Variants in GHR observed in about 807,000 individuals in gnomAD.
The protein encoded by GHR is growth hormone receptor.
GHR carries 35 observed loss-of-function variants against 67.1 expected under a neutral mutation model. That is an observed-to-expected ratio of 0.52 (90% CI 0.40 to 0.69). The LOEUF (loss-of-function observed/expected upper bound fraction) is 0.69, where lower values mean the gene tolerates loss of function less well. GHR is among the 30% of genes least tolerant of loss of function. The pLI is 0.00. For missense variants in GHR, 792 were observed against 764.6 expected (o/e 1.04, Z -0.42); for synonymous variants, 272 against 269.1 (o/e 1.01, Z -0.10).
chr5:42,547,785 C>G (rs1194300421), intron 1 of GHR, among the ~76,000 whole-genome samples: 1 of 152,074 alleles, frequency 6.6e-6, no homozygotes, highest in Non-Finnish European at 1.5e-5. Flanking sequence ...TCCAATGAAA[C>G]TAAGTATGCT....
chr5:42,641,767 C>T (rs1185876501), intron 3 of GHR, among the ~76,000 whole-genome samples: 2 of 152,116 alleles, frequency 1.3e-5, no homozygotes, highest in African/African-American at 4.8e-5. Context: ...CTTGGTTAAT[C>T]CATGAGTAAA....
chr5:42,623,930 C>T (rs1181382780), intron 2 of GHR, among the ~76,000 whole-genome samples: 1 of 152,132 alleles, frequency 6.6e-6, no homozygotes, highest in Non-Finnish European at 1.5e-5. Flanking sequence ...CTGCTCAGCA[C>T]CTCTAGACAT....
At chr5:42,565,659 G>A in intron 1 of GHR, 1 of 985,278 alleles carries the variant, frequency 1.0e-6, no homozygotes, top group Non-Finnish European at 1.2e-6. Context: ...AGCACTCACG[G>A]GAAGTAGAAT....
intron 3 of GHR, among the ~76,000 whole-genome samples, chr5:42,671,439 G>A (rs903123983): frequency 1.3e-5 from 2 of 151,524 alleles, no homozygotes; most frequent in Non-Finnish European, 2.9e-5. Context: ...CCAACATTGG[G>A]CATTATATGT....
intron 3 of GHR, among the ~76,000 whole-genome samples, chr5:42,667,290 T>C (rs1364870453): frequency 6.6e-6 from 1 of 152,170 alleles, no homozygotes; most frequent in Non-Finnish European, 1.5e-5. Context: ...ACAGACACAG[T>C]CAACATCCTC....
rs117977531 is a variant in GHR at position 42,568,147 on chromosome 5, G to A, written c.70+2203G>A. 3.6e-4 allele frequency among the ~76,000 whole-genome samples: 55 copies of A among 152,262 alleles called. 1 individual carries two copies. In the East Asian group the frequency reaches 9.8e-3, roughly 27 times the overall value. On this transcript the variant is annotated intron_variant, in intron 2 of 9. Coordinates refer to ENST00000230882, the MANE Select transcript of GHR (RefSeq NM_000163.5). The stretch of plus-strand genomic sequence containing the variant: ...GGTAGAAGATGACAGACCTGTATGC[G>A]TAGGGAAGGGTAGCACTTGAGCAGG...
At chr5:42,679,136 T>C (rs1398967342) in intron 3 of GHR, among the ~76,000 whole-genome samples, 1 of 140,132 alleles carries the variant, frequency 7.1e-6, no homozygotes, top group African/African-American at 2.5e-5. Context: ...TATTAATTAA[T>C]ATATTATATA....
At chr5:42,691,755 C>T (rs1378889842) in intron 4 of GHR, among the ~76,000 whole-genome samples, 1 of 152,198 alleles carries the variant, frequency 6.6e-6, no homozygotes, top group East Asian at 1.9e-4. Context: ...CCTGGCTCTG[C>T]TCCTTGCCAG....
chr5:42,589,475 CT>C (rs1453352387), intron 2 of GHR, among the ~76,000 whole-genome samples: 3 of 152,232 alleles, frequency 2.0e-5, no homozygotes, highest in Admixed American at 6.5e-5. Flanking sequence ...GTGGAATAAT[CT>C]TTTTTGTTGT....
At chr5:42,565,827 A>T in intron 1 of GHR, 37 bp from the exon 2 acceptor site, 1 of 1,613,888 alleles carries the variant, frequency 6.2e-7, no homozygotes, top group Non-Finnish European at 8.5e-7. Context: ...TCTGCTTTTA[A>T]TTGCTGGGCT....
chr5:42,688,087 T>C (rs1757245359), intron 3 of GHR, among the ~76,000 whole-genome samples: 1 of 152,226 alleles, frequency 6.6e-6, no homozygotes, highest in Admixed American at 6.5e-5. Context: ...GGGCATCTAT[T>C]TAATGAGTTT....
intron 3 of GHR, 33 bp from the exon 4 acceptor site, chr5:42,688,857 T>C: frequency 6.2e-7 from 1 of 1,609,396 alleles, no homozygotes; most frequent in Non-Finnish European, 8.5e-7. Context: ...ACTCACCTGA[T>C]TTCATGCCTT....
chr5:42,546,778 G>C (rs188106543), intron 1 of GHR, among the ~76,000 whole-genome samples: 1 of 152,250 alleles, frequency 6.6e-6, no homozygotes, highest in African/African-American at 2.4e-5. Flanking sequence ...GAGAGAATTT[G>C]TCTGAGTGTT....
chr5:42,583,089 A>G (rs534775042), intron 2 of GHR, among the ~76,000 whole-genome samples: 1 of 152,372 alleles, frequency 6.6e-6, no homozygotes, highest in East Asian at 1.9e-4. Flanking sequence ...ACCAGCCACA[A>G]AAAGGAAACA....
At chr5:42,452,767 T>A (rs1006451615) in intron 1 of GHR, among the ~76,000 whole-genome samples, 23 of 152,162 alleles carry the variant, frequency 1.5e-4, no homozygotes, top group Non-Finnish European at 2.9e-5. Context: ...TTATGATATC[T>A]ATTTCTCTGG....
In GHR at chr5:42,588,244, G is replaced by A. The variant is rs1751587505; in HGVS notation, c.70+22300G>A. Among the ~76,000 whole-genome samples, 4 of 152,050 alleles carry A rather than the reference G, an allele frequency of 2.6e-5. No individual in the cohort carries two copies. In the South Asian group the frequency reaches 8.3e-4, roughly 32 times the overall value. On this transcript the variant is annotated intron_variant, in intron 2 of 9. Coordinates refer to ENST00000230882, the MANE Select transcript of GHR (RefSeq NM_000163.5). ...AGAAGTAACCTATACTTTTGGCTGG[G>A]AGCTGTGGTTCATGCCTGTAATCCC...
rs567053940 is a variant in GHR, at chr5:42,632,052, A to G, written c.136+2949A>G. Among the ~76,000 whole-genome samples, 14 of 151,926 alleles carry G rather than the reference A, an allele frequency of 9.2e-5. No individual in the cohort carries two copies. The East Asian group carries it at 2.5e-3, about 27-fold the overall frequency. On this transcript the variant is annotated intron_variant, in intron 3 of 9. Transcript: ENST00000230882. Reference sequence around the variant, plus strand: ...GCCCCATCTCTCCTTCCTTGCATCTATCTTCCCCTGCCAACAATAATTTTC... The same window carrying G: ...GCCCCATCTCTCCTTCCTTGCATCTGTCTTCCCCTGCCAACAATAATTTTC...
chr5:42,675,699 G>C (rs1310651439), intron 3 of GHR, among the ~76,000 whole-genome samples: 4 of 152,158 alleles, frequency 2.6e-5, no homozygotes, highest in African/African-American at 9.6e-5. Context: ...AAGAAAGTTT[G>C]GTGAAGGTTT....
intron 1 of GHR, among the ~76,000 whole-genome samples, chr5:42,508,223 G>A (rs763604142): frequency 6.6e-6 from 1 of 152,156 alleles, no homozygotes; most frequent in Non-Finnish European, 1.5e-5. Context: ...ATGTGGTTAA[G>A]GAGCTGAGAG....
Sources: allele counts gnomAD v4.1 joint callset (sites outside exome capture counted in the v4.1 genomes callset), GRCh38; gene constraint gnomAD v4.1.1; transcripts MANE v1.5; gene names NCBI Gene and HGNC (gene_info 2026-07-23, HGNC 2026-07-21).